Variants in AGAP1 observed in about 807,000 individuals in gnomAD.
The protein encoded by AGAP1 is arf-GAP with GTPase, ANK repeat and PH domain-containing protein 1.
In AGAP1, 29 loss-of-function variants were observed where a neutral mutation model predicts 105.3. The observed-to-expected ratio is 0.28, with a 90% CI of 0.21 to 0.38. The LOEUF (loss-of-function observed/expected upper bound fraction) is 0.38. Ranked by LOEUF, AGAP1 falls within the 10% of genes least tolerant of loss-of-function variation. The pLI is 1.00. For synonymous variants in AGAP1, 509 were observed against 485.9 expected, an observed-to-expected ratio of 1.05 and a Z score of -0.63; for missense variants, 998 against 1,165.1, an observed-to-expected ratio of 0.86 and a Z score of 2.09.
At chr2:235,998,368 T>C (rs894356396) in intron 13 of AGAP1, among the ~76,000 whole-genome samples, 9 of 152,204 alleles carry the variant, frequency 5.9e-5, no homozygotes, top group Admixed American at 2.6e-4. Flanking sequence ...TCAGGTTTCC[T>C]TGACTCCAGG....
chr2:235,903,223 A>C (rs917522528), intron 10 of AGAP1, among the ~76,000 whole-genome samples: 3 of 152,224 alleles, frequency 2.0e-5, no homozygotes, highest in Non-Finnish European at 4.4e-5. Flanking sequence ...ACAGATTGCC[A>C]CTATTTTCCA....
Position 235,960,758 on chromosome 2 carries a change from G to A in AGAP1, c.1484-7704G>A, listed in dbSNP as rs1412026193. On this transcript the variant is annotated intron_variant, in intron 12 of 17. Transcript: ENST00000304032. The surrounding 1 kb of genome is among the most constrained non-coding windows in gnomAD (Gnocchi z 4.9). Reference sequence around the variant, plus strand: ...TTCTCTGACAGCGGCCAGCTCCTAGGGCACGCTTGGTGCGTGGGGACACTC... The same window carrying A: ...TTCTCTGACAGCGGCCAGCTCCTAGAGCACGCTTGGTGCGTGGGGACACTC... 1.3e-5 allele frequency among the ~76,000 whole-genome samples: 2 copies of A among 152,162 alleles called. No homozygotes were observed. The highest frequency in any genetic ancestry group is 2.9e-5 in the Non-Finnish European group (2 of 68,040).
At position 236,036,418 on chromosome 2, in the gene AGAP1, G is replaced by T. The variant is rs559351574; in HGVS notation, c.1646-143G>T. On this transcript the variant is annotated intron_variant, in intron 13 of 17. Transcript: ENST00000304032. The surrounding 1 kb of genome is among the most constrained non-coding windows in gnomAD (Gnocchi z 5.7). ...GGGAGGTGCATGGATTCAAATCTCCGCCGCCGTGGTTGTCCAGTGCCGTGC... is the reference window on the plus strand; with the variant it reads ...GGGAGGTGCATGGATTCAAATCTCCTCCGCCGTGGTTGTCCAGTGCCGTGC... 4.6e-6 allele frequency: 5 copies of T among 1,092,556 alleles called. No individual in the cohort carries two copies. 67.7% of individuals were successfully genotyped at this position (1,092,556 alleles called of 1,614,324 possible).
intron 6 of AGAP1, among the ~76,000 whole-genome samples, chr2:235,767,715 C>G (rs1158430714): frequency 6.7e-6 from 1 of 150,266 alleles, no homozygotes; most frequent in African/African-American, 2.5e-5. Flanking sequence ...GCTGGGGGCA[C>G]AGCACGGATG....
At chr2:235,761,531 T>C (rs541290124) in intron 6 of AGAP1, among the ~76,000 whole-genome samples, 1 of 152,350 alleles carries the variant, frequency 6.6e-6, no homozygotes, top group South Asian at 2.1e-4. Context: ...TTCTCTCTAA[T>C]GACTTGAGCC....
chr2:235,947,435 T>C (rs2053547962), intron 12 of AGAP1, among the ~76,000 whole-genome samples: 1 of 152,224 alleles, frequency 6.6e-6, no homozygotes, highest in Non-Finnish European at 1.5e-5. Context: ...TAGTATTCCA[T>C]AATTATATAT....
At chr2:235,676,744 G>T (rs1181435711) in intron 1 of AGAP1, among the ~76,000 whole-genome samples, 2 of 152,070 alleles carry the variant, frequency 1.3e-5, no homozygotes, top group Non-Finnish European at 2.9e-5. Flanking sequence ...TTAGGCTATT[G>T]TCAATTTGTT....
intron 1 of AGAP1, among the ~76,000 whole-genome samples, chr2:235,511,751 C>T (rs1313423994): frequency 9.6e-6 from 1 of 103,920 alleles, no homozygotes; most frequent in Non-Finnish European, 2.0e-5. Flanking sequence ...CATGTAATTT[C>T]CCCAAACTGT....
intron 9 of AGAP1, among the ~76,000 whole-genome samples, chr2:235,811,435 C>G (rs189324113): frequency 6.6e-6 from 1 of 152,352 alleles, no homozygotes; most frequent in East Asian, 1.9e-4. Flanking sequence ...AGAACCTCCT[C>G]ACTACATCTT....
Position 235,674,147 on chromosome 2 carries a change from C to T in AGAP1, c.164-35032C>T, listed in dbSNP as rs573162890. 1.5e-4 allele frequency among the ~76,000 whole-genome samples: 23 copies of T among 152,286 alleles called. No individual in the cohort carries two copies. The East Asian group carries it at 4.1e-3, about 27-fold the overall frequency. The stretch of plus-strand genomic sequence containing the variant: ...TTGGAACTTGTCTATTTAGGCTCTT[C>T]CTAGTTCTTCCCTCTAATGCAGAAC... On this transcript the variant is annotated intron_variant, in intron 1 of 17. Transcript: ENST00000304032.
rs1434222712 is a variant in AGAP1 at position 235,556,619 on chromosome 2, T to C, written c.163+61770T>C. 1.3e-5 allele frequency among the ~76,000 whole-genome samples: 2 copies of C among 152,246 alleles called. No homozygotes were observed. Among genetic ancestry groups the C allele is most frequent in the Admixed American group, 6.5e-5 (1 of 15,284 alleles). On this transcript the variant is annotated intron_variant, in intron 1 of 17. Transcript: ENST00000304032. This position sits in a 1 kb window ranked among gnomAD's most constrained non-coding sequence, Gnocchi z 5.3. ...GGAAGGTGGTCTTCCTTTCCAATAC[T>C]CTGGTTCCCTCTCTCCCCTATGTGC...
chr2:236,052,917 C>T (rs540953622), intron 16 of AGAP1, among the ~76,000 whole-genome samples: 23 of 152,230 alleles, frequency 1.5e-4, no homozygotes, highest in African/African-American at 5.3e-4. Flanking sequence ...CTTAAAATAT[C>T]GATTTTAAGT....
chr2:235,648,837 A>C (rs2149319259), intron 1 of AGAP1, among the ~76,000 whole-genome samples: 1 of 151,834 alleles, frequency 6.6e-6, no homozygotes, highest in South Asian at 2.1e-4. Flanking sequence ...CAGTGCGCCG[A>C]GATCGCACCA....
intron 3 of AGAP1, among the ~76,000 whole-genome samples, chr2:235,727,589 A>G (rs1951710855): frequency 1.3e-5 from 2 of 152,202 alleles, no homozygotes; most frequent in African/African-American, 2.4e-5. Flanking sequence ...AGTCTTTGGA[A>G]TGTTATACAT....
chr2:235,952,010 T>C (rs2053758140), intron 12 of AGAP1, among the ~76,000 whole-genome samples: 1 of 152,194 alleles, frequency 6.6e-6, no homozygotes. Context: ...AATACAGTTG[T>C]TTAATAGTGT....
intron 6 of AGAP1, among the ~76,000 whole-genome samples, chr2:235,766,199 A>G (rs769828811): frequency 6.6e-6 from 1 of 152,250 alleles, no homozygotes; most frequent in Non-Finnish European, 1.5e-5. Context: ...GGGTGCTTGG[A>G]TTAAATGCAG....
chr2:235,641,141 G>A (rs911319303), intron 1 of AGAP1, among the ~76,000 whole-genome samples: 1 of 151,988 alleles, frequency 6.6e-6, no homozygotes, highest in Non-Finnish European at 1.5e-5. Flanking sequence ...CTGCCCACCA[G>A]CCAATTACAG....
At position 235,752,616 on chromosome 2, in the gene AGAP1, G is replaced by C. The variant is rs775380817; in HGVS notation, c.673+2128G>C. ...CCCAGAATATTCACTCTCTGGCCCC[G>C]TGCAGAGAGCTTGCCGGTCCCCGAT... On this transcript the variant is annotated intron_variant, in intron 6 of 17. Transcript: ENST00000304032. The surrounding 1 kb of genome is among the most constrained non-coding windows in gnomAD (Gnocchi z 4.3). 6.6e-6 allele frequency among the ~76,000 whole-genome samples: 1 copy of C among 152,128 alleles called. No homozygotes were observed. The highest frequency in any genetic ancestry group is 1.5e-5 in the Non-Finnish European group (1 of 68,034).
intron 6 of AGAP1, among the ~76,000 whole-genome samples, chr2:235,791,400 G>T (rs762983590): frequency 2.0e-5 from 3 of 152,090 alleles, no homozygotes; most frequent in Non-Finnish European, 4.4e-5. Context: ...TCGAATGGAA[G>T]ATTCTTTCTT....
Sources: allele counts gnomAD v4.1 joint callset (sites outside exome capture counted in the v4.1 genomes callset), GRCh38; gene constraint gnomAD v4.1.1; non-coding constraint Gnocchi (gnomAD v3.1); transcripts MANE v1.5; gene names NCBI Gene and HGNC (gene_info 2026-07-23, HGNC 2026-07-21).